The following RPA2 variants were observed in gnomAD, a reference collection of about 807,000 sequenced individuals.
RPA2 encodes replication protein A2, also known as replication protein A 32 kDa subunit.
A neutral mutation model predicts 33.4 loss-of-function variants in RPA2; 22 were observed. The ratio of observed to expected loss-of-function variants is 0.66; its 90% CI spans 0.47 to 0.94. The LOEUF (loss-of-function observed/expected upper bound fraction) is 0.94. Ranked by LOEUF, RPA2 falls within the 40% of genes least tolerant of loss-of-function variation. The pLI is 0.00. For missense variants in RPA2, 279 were observed against 329.9 expected, an observed-to-expected ratio of 0.85 and a Z score of 1.19; for synonymous variants, 109 against 114.9, an observed-to-expected ratio of 0.95 and a Z score of 0.33.
intron 4 of RPA2, among the ~76,000 whole-genome samples, chr1:27,902,250 C>A (rs568165558): frequency 1.3e-5 from 2 of 150,438 alleles, no homozygotes; most frequent in African/African-American, 2.4e-5. Flanking sequence ...CCATGCCCTG[C>A]TAATTTTTTA....
intron 2 of RPA2, among the ~76,000 whole-genome samples, chr1:27,913,352 G>A (rs1187838017): frequency 1.3e-5 from 2 of 150,848 alleles, no homozygotes; most frequent in Non-Finnish European, 3.0e-5. Context: ...ACTTTGGGAG[G>A]CTGAGGCGGG....
At chr1:27,892,269 A>T in intron 8 of RPA2, 22 bp from the exon 9 acceptor site, 1 of 1,607,576 alleles carries the variant, frequency 6.2e-7, no homozygotes. Context: ...GAAGAAAAAA[A>T]AAAGGTCATT....
In RPA2 at chr1:27,895,250, C is replaced by G. The variant is rs111893791; in HGVS notation, c.526-853G>C. ...ACCGGATGCCAACATGGTGAAACCC[C>G]GCCTGTATTAAAAATACAAAAATTA... On this transcript the variant is annotated intron_variant, in intron 6 of 8. Coordinates refer to ENST00000373912, the MANE Select transcript of RPA2 (RefSeq NM_002946.5). 3.6e-3 allele frequency among the ~76,000 whole-genome samples: 550 copies of G among 152,234 alleles called. 14 individuals carry two copies. The highest frequency in any genetic ancestry group is 0.033 in the Admixed American group (506 of 15,278).
chr1:27,892,720 T>G (rs939785216), intron 8 of RPA2, among the ~76,000 whole-genome samples: 8 of 152,170 alleles, frequency 5.3e-5, no homozygotes, highest in African/African-American at 1.9e-4. Context: ...GTCCTCAGGG[T>G]TAGTGTCAGT....
chr1:27,908,127 T>G (rs1404884020), intron 2 of RPA2, among the ~76,000 whole-genome samples: 2 of 151,742 alleles, frequency 1.3e-5, no homozygotes, highest in Admixed American at 6.6e-5. Flanking sequence ...ACCACTGCCC[T>G]CGGCCAAATT....
Position 27,897,177 on chromosome 1 carries a change from G to T in RPA2, c.409-56C>A, listed in dbSNP as rs2089904166. 1.2e-5 allele frequency: 14 copies of T among 1,177,122 alleles called. No homozygotes were observed. In the Admixed American group the frequency reaches 2.6e-4, roughly 22 times the overall value. 72.9% of individuals were successfully genotyped at this position (1,177,122 alleles called of 1,614,324 possible). On this transcript the variant is annotated intron_variant, in intron 5 of 8. Coordinates refer to ENST00000373912, the MANE Select transcript of RPA2 (RefSeq NM_002946.5). Reference sequence around the variant, plus strand: ...AAATATGAACATACATTAATTTCAGGTCAACACTGTGGCTCTTTCCTTGGT... The same window carrying T: ...AAATATGAACATACATTAATTTCAGTTCAACACTGTGGCTCTTTCCTTGGT...
At chr1:27,913,967 G>A (rs990502139) in intron 2 of RPA2, 96 bp downstream of exon 2, 1 of 1,134,642 alleles carries the variant, frequency 8.8e-7, no homozygotes. Context: ...ATCAGTTCAC[G>A]TTGAAATCTT....
intron 4 of RPA2, among the ~76,000 whole-genome samples, chr1:27,898,847 G>A (rs906192361): frequency 6.6e-6 from 1 of 151,970 alleles, no homozygotes; most frequent in East Asian, 1.9e-4. Flanking sequence ...TTGAGCCATC[G>A]TGTCCGGCCC....
chr1:27,894,117 A>C lies in RPA2; in HGVS notation c.634-11T>G. On this transcript the variant is annotated splice_polypyrimidine_tract_variant and intron_variant, in intron 7 of 8. Transcript: ENST00000373912. ...AATCAAATTCAACACCTGAAGATTC[A>C]AATCAGAAAGATTTTAGCAATTATT... 1.2e-6 allele frequency: 2 copies of C among 1,610,994 alleles called. No homozygotes were observed. Among genetic ancestry groups the C allele is most frequent in the East Asian group, 4.5e-5 (2 of 44,860 alleles).
chr1:27,909,330 C>T (rs1382571943), intron 2 of RPA2, among the ~76,000 whole-genome samples: 2 of 152,114 alleles, frequency 1.3e-5, no homozygotes, highest in African/African-American at 2.4e-5. Context: ...AGTATTGCCA[C>T]AACAGGATAA....
intron 2 of RPA2, among the ~76,000 whole-genome samples, chr1:27,911,106 C>T (rs1413204158): frequency 6.6e-6 from 1 of 151,976 alleles, no homozygotes; most frequent in African/African-American, 2.4e-5. Context: ...GTCACAGCTA[C>T]TCGGGAGGCT....
At chr1:27,898,414 T>C (rs1324881943) in intron 4 of RPA2, among the ~76,000 whole-genome samples, 1 of 152,228 alleles carries the variant, frequency 6.6e-6, no homozygotes, top group Non-Finnish European at 1.5e-5. Context: ...GGAAAAAAGC[T>C]GATTTCCCAT....
In RPA2 at chr1:27,891,850, A is replaced by G. The variant is rs186001080; in HGVS notation, c.*313T>C. ...ATTTTAAGAAGAGAAACTCCTGAGC[A>G]CTATGTAAGTACTCTCCTGGTAGCA... is the stretch of plus-strand genomic sequence containing the variant. On this transcript the variant is annotated 3_prime_UTR_variant, in exon 9 of 9. Coordinates refer to ENST00000373912, the MANE Select transcript of RPA2 (RefSeq NM_002946.5). 1.4e-3 allele frequency: 368 copies of G among 268,322 alleles called. No homozygotes were observed. Among genetic ancestry groups the G allele is most frequent in the Middle Eastern group, 3.5e-3 (3 of 852 alleles). The allele number at this position is 268,322 out of a possible 1,614,324, so 16.6% of individuals were successfully genotyped here.
chr1:27,901,772 T>G (rs1357748822), intron 4 of RPA2, among the ~76,000 whole-genome samples: 2 of 152,026 alleles, frequency 1.3e-5, no homozygotes, highest in Non-Finnish European at 2.9e-5. Context: ...TTTTTCAAAA[T>G]TATTTCTTTT....
chr1:27,909,443 C>T (rs545818834), intron 2 of RPA2, among the ~76,000 whole-genome samples: 5 of 152,040 alleles, frequency 3.3e-5, no homozygotes, highest in African/African-American at 9.7e-5. Flanking sequence ...CTTGGCCAGG[C>T]GTGGTGGGTA....
chr1:27,903,357 G>T (rs1192903002), intron 4 of RPA2, among the ~76,000 whole-genome samples: 1 of 152,252 alleles, frequency 6.6e-6, no homozygotes, highest in East Asian at 1.9e-4. Flanking sequence ...AGTAAGGGAT[G>T]ATGTATTCTT....
intron 4 of RPA2, among the ~76,000 whole-genome samples, chr1:27,898,357 T>C (rs748587139): frequency 1.3e-5 from 2 of 152,190 alleles, no homozygotes; most frequent in Non-Finnish European, 2.9e-5. Context: ...TTGCAAATGA[T>C]AACATAGAAT....
At chr1:27,908,796 C>A (rs1327323879) in intron 2 of RPA2, among the ~76,000 whole-genome samples, 1 of 152,176 alleles carries the variant, frequency 6.6e-6, no homozygotes, top group African/African-American at 2.4e-5. Flanking sequence ...CCGCGCCAGG[C>A]CCAAATCATA....
At chr1:27,913,167 G>A (rs1392181262) in intron 2 of RPA2, among the ~76,000 whole-genome samples, 2 of 151,528 alleles carry the variant, frequency 1.3e-5, no homozygotes, top group Non-Finnish European at 3.0e-5. Flanking sequence ...TGGCCAGGCT[G>A]GTCAGGAACT....
Sources: allele counts gnomAD v4.1 joint callset (sites outside exome capture counted in the v4.1 genomes callset), GRCh38; gene constraint gnomAD v4.1.1; transcripts MANE v1.5; gene names NCBI Gene and HGNC (gene_info 2026-07-23, HGNC 2026-07-21).